Variants in ADGRV1 observed in about 807,000 individuals in gnomAD.
ADGRV1 encodes the protein G-protein coupled receptor 98.
ADGRV1 carries 359 observed loss-of-function variants against 596.2 expected under a neutral mutation model. That is an observed-to-expected ratio of 0.60 (90% CI 0.55 to 0.66). The LOEUF is 0.66. ADGRV1 is among the 30% of genes least tolerant of loss of function. The pLI, the probability that ADGRV1 is intolerant of heterozygous loss-of-function variation, is 0.00. For missense variants in ADGRV1, 7,274 were observed against 7,575.6 expected, an observed-to-expected ratio of 0.96 and a Z score of 1.48; for synonymous variants, 2,681 against 2,679.2, an observed-to-expected ratio of 1.00 and a Z score of -0.02.
At chr5:90,646,858 C>T (rs529685190) in intron 16 of ADGRV1, among the ~76,000 whole-genome samples, 24 of 151,318 alleles carry the variant, frequency 1.6e-4, no homozygotes, top group Non-Finnish European at 2.8e-4. Flanking sequence ...ACTGCACCCT[C>T]CGCCTTCTGG....
At chr5:90,763,495 A>G (rs201312548) in intron 59 of ADGRV1, 26 bp downstream of exon 59, 8 of 1,574,952 alleles carry the variant, frequency 5.1e-6, no homozygotes, top group Non-Finnish European at 6.1e-6. Context: ...GCACTCCTGT[A>G]ATTTTTCCCC....
At chr5:91,086,000 C>G (rs1157181107) in intron 86 of ADGRV1, among the ~76,000 whole-genome samples, 5 of 152,170 alleles carry the variant, frequency 3.3e-5, no homozygotes, top group Admixed American at 1.3e-4. Context: ...CCACTCTTCT[C>G]ATCTGCATAT....
chr5:91,072,742 T>C (rs2151395596), intron 86 of ADGRV1, 138 bp downstream of exon 86: 1 of 758,754 alleles, frequency 1.3e-6, no homozygotes, highest in South Asian at 1.9e-5. Context: ...GCTATAGCTC[T>C]CCAGTTTCTC....
intron 85 of ADGRV1, among the ~76,000 whole-genome samples, chr5:91,026,216 A>T (rs963905529): frequency 1.2e-4 from 19 of 152,126 alleles, no homozygotes; most frequent in Non-Finnish European, 2.4e-4. Context: ...TGCCTGACAA[A>T]CAAGATTAAA....
intron 78 of ADGRV1, among the ~76,000 whole-genome samples, chr5:90,843,114 T>C (rs574112943): frequency 6.6e-6 from 1 of 152,290 alleles, no homozygotes; most frequent in South Asian, 2.1e-4. Flanking sequence ...GTAATTCCTA[T>C]CAATATATCA....
At chr5:90,796,481 A>G (rs1760729378) in intron 70 of ADGRV1, among the ~76,000 whole-genome samples, 1 of 151,998 alleles carries the variant, frequency 6.6e-6, no homozygotes, top group South Asian at 2.1e-4. Flanking sequence ...GGACTATGTG[A>G]AAAGACTACG....
At chr5:90,924,689 G>A (rs374500360) in intron 83 of ADGRV1, among the ~76,000 whole-genome samples, 45 of 152,054 alleles carry the variant, frequency 3.0e-4, no homozygotes, top group African/African-American at 9.9e-4. Context: ...TTGGTGTTTT[G>A]GACATGAAGT....
At position 90,781,563 on chromosome 5, in the gene ADGRV1, T is replaced by C. The variant is rs1758852357; in HGVS notation, c.13216T>C (p.Tyr4406His). The change falls in exon 65 of 90, where the codon TAT (tyrosine) becomes CAT (histidine). Residue 4406 changes from tyrosine (Y) to histidine (H), a missense_variant. This residue lies in a region of ADGRV1 where 3,643 missense variants were observed against 3,809.2 expected (regional missense o/e 0.96). Transcript: ENST00000405460. ...AEGIIEFDPKYTAFEVEEDVG... is the reference protein window; with the variant it reads ...AEGIIEFDPKHTAFEVEEDVG... ...AGGCATCATTGAATTTGACCCAAAG[T>C]ATACTGCCTTCGAAGGTAGGTTCAG... is the stretch of plus-strand genomic sequence containing the variant. 2 of 1,605,950 alleles carry C rather than the reference T, an allele frequency of 1.2e-6. No individual in the cohort carries two copies. The highest frequency in any genetic ancestry group is 3.4e-5 in the Admixed American group (2 of 59,534).
At chr5:91,136,840 A>G (rs1244899900) in intron 87 of ADGRV1, among the ~76,000 whole-genome samples, 1 of 150,222 alleles carries the variant, frequency 6.7e-6, no homozygotes, top group East Asian at 2.0e-4. Flanking sequence ...ATTTTCAATG[A>G]AGAAAATTAA....
chr5:91,085,277 T>A (rs908062921), intron 86 of ADGRV1, among the ~76,000 whole-genome samples: 1 of 152,062 alleles, frequency 6.6e-6, no homozygotes, highest in Non-Finnish European at 1.5e-5. Context: ...AAAAAGGAAA[T>A]TTTGCCAATC....
intron 43 of ADGRV1, among the ~76,000 whole-genome samples, chr5:90,719,647 G>A (rs1750651050): frequency 6.6e-6 from 1 of 152,072 alleles, no homozygotes; most frequent in African/African-American, 2.4e-5. Context: ...TCCCACTGAT[G>A]AACGTTCGGA....
intron 45 of ADGRV1, among the ~76,000 whole-genome samples, chr5:90,721,550 A>T (rs1750989391): frequency 4.7e-5 from 1 of 21,182 alleles, no homozygotes; most frequent in East Asian, 0.028. Context: ...ATAAAATAAA[A>T]TAAAATAAAA....
At chr5:90,806,469 T>C (rs915149852) in intron 72 of ADGRV1, among the ~76,000 whole-genome samples, 1 of 152,198 alleles carries the variant, frequency 6.6e-6, no homozygotes, top group African/African-American at 2.4e-5. Flanking sequence ...TAGCCCTTTT[T>C]TTCCTGCAGA....
chr5:91,023,074 A>AT (rs1019318161), intron 85 of ADGRV1, among the ~76,000 whole-genome samples: 5 of 152,088 alleles, frequency 3.3e-5, no homozygotes, highest in East Asian at 1.9e-4. Flanking sequence ...GAAATGATTG[A>AT]TTTTTCCCCA....
intron 85 of ADGRV1, among the ~76,000 whole-genome samples, chr5:91,051,687 C>T (rs1209868829): frequency 6.6e-6 from 1 of 151,906 alleles, no homozygotes; most frequent in Non-Finnish European, 1.5e-5. Flanking sequence ...GCTGGAACCA[C>T]AGGTGCCCGC....
intron 85 of ADGRV1, among the ~76,000 whole-genome samples, chr5:90,986,098 T>TATATTATGC (rs1554187785): frequency 2.1e-5 from 3 of 140,302 alleles, no homozygotes; most frequent in Non-Finnish European, 4.7e-5. Context: ...AATATATATA[T>TATATTATGC]ATATATATTA....
intron 83 of ADGRV1, among the ~76,000 whole-genome samples, chr5:90,962,998 AG>A (rs1381990286): frequency 6.6e-6 from 1 of 152,228 alleles, no homozygotes; most frequent in Non-Finnish European, 1.5e-5. Flanking sequence ...ATAGTTTCAT[AG>A]AATGTTTAAA....
At chr5:91,092,376 G>A (rs551298227) in intron 86 of ADGRV1, among the ~76,000 whole-genome samples, 86 of 152,326 alleles carry the variant, frequency 5.6e-4, no homozygotes, top group African/African-American at 1.9e-3. Flanking sequence ...TGGGATCACA[G>A]GTGTGAGCCA....
At chr5:90,665,110 G>A (rs1315347862) in intron 21 of ADGRV1, among the ~76,000 whole-genome samples, 390 of 133,364 alleles carry the variant, frequency 2.9e-3, no homozygotes, top group East Asian at 0.014. Context: ...TTTGGTATCA[G>A]AATGATGCTG....
Sources: allele counts gnomAD v4.1 joint callset (sites outside exome capture counted in the v4.1 genomes callset), GRCh38; gene constraint gnomAD v4.1.1; regional missense constraint gnomAD v4.1.1; transcripts MANE v1.5; gene names NCBI Gene and HGNC (gene_info 2026-07-23, HGNC 2026-07-21).